Variants in KANK3 observed in about 807,000 individuals in gnomAD.
KANK3 encodes the protein KN motif and ankyrin repeat domains 3.
Under a neutral mutation model 65.4 loss-of-function variants are expected in KANK3, and 61 were observed. The ratio of observed to expected loss-of-function variants is 0.93; its 90% confidence interval spans 0.76 to 1.15. KANK3 has a LOEUF of 1.15. Among genes scored for constraint, KANK3 ranks in the 50% most tolerant of loss-of-function variants. The pLI is 0.00. For synonymous variants in KANK3, 586 were observed against 543.3 expected (o/e 1.08, Z -1.09); for missense variants, 1,187 against 1,178.8 (o/e 1.01, Z -0.10).
intron 1 of KANK3, among the ~76,000 whole-genome samples, chr19:8,342,236 G>A (rs1970730389): frequency 6.6e-6 from 1 of 152,144 alleles, no homozygotes; most frequent in African/African-American, 2.4e-5. Context: ...CAAGAGATCA[G>A]CCCTACTTGA....
rs1481116141 is a variant in KANK3, at chr19:8,335,179, C to G, written c.648G>C (p.Ala216=). The change falls in exon 3 of 11, where the codon GCG becomes GCC. Residue 216 remains alanine, a synonymous_variant. Coordinates refer to ENST00000330915, the MANE Select transcript of KANK3 (RefSeq NM_198471.3). The part of the protein sequence containing the change: ...TLPELQEQVR[A]LRAEKARLLA... ...GCAGCCGCGCCTTCTCGGCGCGCAG[C>G]GCGCGCACCTGCTCCTGCAGCTCGG... The G allele has an allele frequency of 3.3e-5, 40 of 1,214,114 alleles. No homozygotes were observed. The South Asian group carries it at 4.9e-4, about 15-fold the overall frequency. The allele number at this position is 1,214,114 out of a possible 1,614,324, so 75.2% of individuals were successfully genotyped here.
At position 8,333,921 on chromosome 19, in the gene KANK3, C is replaced by T. The variant is rs1470148159; in HGVS notation, c.1623G>A (p.Val541=). 3.8e-6 allele frequency: 6 copies of T among 1,579,570 alleles called. No individual in the cohort carries two copies. The highest frequency in any genetic ancestry group is 2.7e-5 in the African/African-American group (2 of 74,018). Residue 541 remains valine (V), a synonymous_variant, in exon 5 of 11, where the codon GTG becomes GTA. Transcript: ENST00000330915. This position sits in a 1 kb window ranked among gnomAD's most constrained non-coding sequence, Gnocchi z 5.0. ...CGAGCGCCGCTCACCTCCCCTGTGC[C>T]ACCTGCTGAGGCTCTGCCTCCGCCT... ...EPEAEAEPQQ[V]AQGRCELSPR... is the part of the protein sequence containing the mutation.
intron 4 of KANK3, 58 bp downstream of exon 4, chr19:8,334,262 G>A: frequency 6.2e-7 from 1 of 1,604,796 alleles, no homozygotes; most frequent in South Asian, 1.1e-5. Flanking sequence ...CAGAGCTGGG[G>A]TTCCAACCCC....
In KANK3 at chr19:8,335,521, T is replaced by G; in HGVS notation, c.306A>C (p.Ala102=). 1 of 1,227,188 alleles carries G rather than the reference T, an allele frequency of 8.1e-7. No individual in the cohort carries two copies. The highest frequency in any genetic ancestry group is 1.0e-6 in the Non-Finnish European group (1 of 977,568). 76.0% of individuals were successfully genotyped at this position (1,227,188 alleles called of 1,614,324 possible). A position where few individuals can be genotyped will look rare whatever the true frequency, so the allele number is the denominator to read the frequency against. Residue 102 remains alanine, a synonymous_variant, in exon 3 of 11, where the codon GCA becomes GCC. Transcript: ENST00000330915. ...GCGCGCCCTGGGAGAGTATGCCCGG[T>G]GCTCCACCGTCGTCACTGGCCAGGG... ...SESLASDDGG[A]PGILSQGAPS...
intron 2 of KANK3, among the ~76,000 whole-genome samples, chr19:8,337,123 C>T (rs1365958793): frequency 2.0e-5 from 3 of 151,944 alleles, no homozygotes; most frequent in Non-Finnish European, 4.4e-5. Context: ...GCCTCTGCCT[C>T]CCAGGTTCCA....
intron 7 of KANK3, among the ~76,000 whole-genome samples, chr19:8,327,289 G>A (rs1970445541): frequency 6.6e-6 from 1 of 151,368 alleles, no homozygotes; most frequent in African/African-American, 2.4e-5. Context: ...ATCACTTGAG[G>A]CCAGGAGTCT....
intron 7 of KANK3, among the ~76,000 whole-genome samples, chr19:8,330,195 GAA>G (rs1419473438): frequency 6.6e-6 from 1 of 152,178 alleles, no homozygotes; most frequent in Non-Finnish European, 1.5e-5. Flanking sequence ...GATGAAAGAG[GAA>G]ACAGCCCCTG....
Position 8,333,077 on chromosome 19 carries a change from TGTTCCC to T in KANK3, c.1867_1872del (p.Gly623_Asn624del). On this transcript the variant is annotated inframe_deletion, in exon 7 of 11. Coordinates refer to ENST00000330915, the MANE Select transcript of KANK3 (RefSeq NM_198471.3). This position sits in a 1 kb window ranked among gnomAD's most constrained non-coding sequence, Gnocchi z 5.0. The stretch of plus-strand genomic sequence containing the variant: ...TGGGACACACTGTAGTGCAGGGCCG[TGTTCCC>T]GTTGCCATCCGCCAGGTTCACCACG... The T allele has an allele frequency of 6.5e-7, 1 of 1,531,382 alleles. No homozygotes were observed. Among genetic ancestry groups the T allele is most frequent in the Non-Finnish European group, 8.9e-7 (1 of 1,128,256 alleles). The allele number at this position is 1,531,382 out of a possible 1,614,324, so 94.9% of individuals were successfully genotyped here. A position where few individuals can be genotyped will look rare whatever the true frequency, so the allele number is the denominator to read the frequency against.
chr19:8,339,362 T>G (rs930307560), intron 1 of KANK3, among the ~76,000 whole-genome samples: 8 of 21,936 alleles, frequency 3.6e-4, no homozygotes, highest in African/African-American at 1.6e-3. Context: ...TCTCTTTTTG[T>G]TTTTTTTTTT....
Position 8,333,016 on chromosome 19 carries a change from G to C in KANK3, c.1934C>G (p.Thr645Arg), listed in dbSNP as rs767447116. The change falls in exon 7 of 11, where the codon ACG becomes AGG. Residue 645 changes from threonine (T) to arginine (R), a missense_variant and splice_region_variant. Thr to Arg is a moderately conservative substitution (Grantham distance 71, BLOSUM62 -1). This residue lies in a region of KANK3 where 1,078 missense variants were observed against 1,038.2 expected (regional missense o/e 1.04). Transcript: ENST00000330915. The surrounding 1 kb of genome is among the most constrained non-coding windows in gnomAD (Gnocchi z 5.0). ...NLAIASLLLDTGACEVNRQNR... is the reference protein window; with the variant it reads ...NLAIASLLLDRGACEVNRQNR... ...ACCCACCCTCCCTTGGCTCTGACCC[G>C]TATCCAGGAGCAGGCTTGCGATGGC... 3.2e-6 allele frequency: 2 copies of C among 624,926 alleles called. No individual in the cohort carries two copies. Among genetic ancestry groups the C allele is most frequent in the East Asian group, 6.9e-5 (1 of 14,454 alleles). 38.7% of individuals were successfully genotyped at this position (624,926 alleles called of 1,614,324 possible). A position where few individuals can be genotyped will look rare whatever the true frequency, so the allele number is the denominator to read the frequency against.
chr19:8,325,006 A>G lies in KANK3; in HGVS notation c.2027T>C (p.Met676Thr), dbSNP rs752612015. 387 of 1,608,102 alleles carry G rather than the reference A, an allele frequency of 2.4e-4. No homozygotes were observed. Among genetic ancestry groups the G allele is most frequent in the Admixed American group, 3.0e-4 (18 of 59,456 alleles). ...GCAGAAGAGTCTCTGGACCACAGCC[A>G]TGTCCTCCTCTTCCTGCCTCACAGA... Reference protein sequence around the residue: ...LTSVRQEEEDMAVVQRLFCMG... With the variant: ...LTSVRQEEEDTAVVQRLFCMG... Residue 676 changes from methionine (M) to threonine (T), a missense_variant, in exon 8 of 11, where the codon ATG becomes ACG. By Grantham distance (81) the Met-to-Thr change is moderately conservative. Around this residue, in one of 3 missense-constraint regions of KANK3, gnomAD observed 1,078 missense variants for 1,038.2 expected, o/e 1.04. Transcript: ENST00000330915.
Position 8,334,877 on chromosome 19 carries a change from T to C in KANK3, c.950A>G (p.Gln317Arg). ...AVPETREAGA[Q>R]AVPETREAGV... Reference sequence around the variant, plus strand: ...GGCCTCCCGGGTCTCCGGCACGGCCTGGGCACCCGCTTCTCGGGTCTCGGG... The same window carrying C: ...GGCCTCCCGGGTCTCCGGCACGGCCCGGGCACCCGCTTCTCGGGTCTCGGG... Residue 317 changes from glutamine to arginine, a missense_variant, in exon 3 of 11, where the codon CAG (glutamine) becomes CGG (arginine). Coordinates refer to ENST00000330915, the MANE Select transcript of KANK3 (RefSeq NM_198471.3). 1 of 1,459,198 alleles carries C rather than the reference T, an allele frequency of 6.9e-7. No individual in the cohort carries two copies. Among genetic ancestry groups the C allele is most frequent in the Admixed American group, 2.6e-5 (1 of 37,818 alleles). The allele number at this position is 1,459,198 out of a possible 1,614,324, so 90.4% of individuals were successfully genotyped here.
rs59020478 is a variant in KANK3, at chr19:8,339,963, C to CA, written c.-28-2108dup. ...TGGTTGACAGAGCAAGACCTTGTCTCAAAAAAAAAAAAAAAAAAAAAGAAA... is the reference window on the plus strand; with the variant it reads ...TGGTTGACAGAGCAAGACCTTGTCTCAAAAAAAAAAAAAAAAAAAAAAGAAA... On this transcript the variant is annotated intron_variant, in intron 1 of 10. Transcript: ENST00000330915. 9.7e-3 allele frequency among the ~76,000 whole-genome samples: 925 copies of CA among 95,524 alleles called. 8 individuals carry two copies. Among genetic ancestry groups the CA allele is most frequent in the East Asian group, 0.024 (76 of 3,186 alleles). 62.7% of individuals were successfully genotyped at this position (95,524 alleles called of 152,430 possible).
intron 7 of KANK3, among the ~76,000 whole-genome samples, chr19:8,332,416 G>A (rs1970541961): frequency 6.6e-6 from 1 of 151,666 alleles, no homozygotes; most frequent in African/African-American, 2.4e-5. Flanking sequence ...GACCTCAAGT[G>A]ATCTGCCCAC....
chr19:8,335,100 T>C lies in KANK3; in HGVS notation c.727A>G (p.Lys243Glu), dbSNP rs944203632. ...PDGEAETRPDKLAQLRRLTER... is the reference protein window; with the variant it reads ...PDGEAETRPDELAQLRRLTER... ...GTGAGCCGCCGCAGCTGGGCGAGCT[T>C]GTCCGGGCGCGTCTCAGCCTCCCCG... Residue 243 changes from lysine (K) to glutamate (E), a missense_variant, in exon 3 of 11, where the codon AAG becomes GAG. Lys to Glu is a moderately conservative substitution (Grantham distance 56). Around this residue, in one of 3 missense-constraint regions of KANK3, gnomAD observed 1,078 missense variants for 1,038.2 expected, o/e 1.04. Transcript: ENST00000330915. The C allele has an allele frequency of 3.1e-6, 4 of 1,291,886 alleles. No homozygotes were observed. In the African/African-American group the frequency reaches 4.7e-5, roughly 15 times the overall value. The allele number at this position is 1,291,886 out of a possible 1,614,324, so 80.0% of individuals were successfully genotyped here. A position where few individuals can be genotyped will look rare whatever the true frequency, so the allele number is the denominator to read the frequency against.
In KANK3 at chr19:8,334,251, G is replaced by A. The variant is rs562114233; in HGVS notation, c.1427+69C>T. 16 of 1,592,016 alleles carry A rather than the reference G, an allele frequency of 1.0e-5. No individual in the cohort carries two copies. The African/African-American group carries it at 2.0e-4, about 20-fold the overall frequency. On this transcript the variant is annotated intron_variant, in intron 4 of 10. Coordinates refer to ENST00000330915, the MANE Select transcript of KANK3 (RefSeq NM_198471.3). ...CCCAGACCACGCTGCCAGTAGAGGG[G>A]CAGAGCTGGGGTTCCAACCCCAGTC...
At chr19:8,329,349 T>C (rs556766351) in intron 7 of KANK3, among the ~76,000 whole-genome samples, 1 of 151,008 alleles carries the variant, frequency 6.6e-6, no homozygotes, top group East Asian at 1.9e-4. Context: ...TAGCCGGGCA[T>C]GATGGCGCTT....
chr19:8,334,462 C>G, intron 3 of KANK3, 38 bp downstream of exon 3: 1 of 1,610,644 alleles, frequency 6.2e-7, no homozygotes, highest in Non-Finnish European at 8.5e-7. Flanking sequence ...AGTCCGGCGC[C>G]GAGTAAGCCA....
In KANK3 at chr19:8,333,307, G is replaced by T; in HGVS notation, c.1720-77C>A. ...GTGGTGGGGGAGCTGGGGAGGGGCG[G>T]GACTGGGAAGAGACCCATTTGGCGT... On this transcript the variant is annotated intron_variant, in intron 6 of 10. Coordinates refer to ENST00000330915, the MANE Select transcript of KANK3 (RefSeq NM_198471.3). This position sits in a 1 kb window ranked among gnomAD's most constrained non-coding sequence, Gnocchi z 5.0. The T allele has an allele frequency of 1.7e-6, 2 of 1,209,940 alleles. No homozygotes were observed. The highest frequency in any genetic ancestry group is 2.4e-5 in the East Asian group (1 of 41,696). The allele number at this position is 1,209,940 out of a possible 1,614,324, so 75.0% of individuals were successfully genotyped here.
Sources: allele counts gnomAD v4.1 joint callset (sites outside exome capture counted in the v4.1 genomes callset), GRCh38; gene constraint gnomAD v4.1.1; regional missense constraint gnomAD v4.1.1; non-coding constraint Gnocchi (gnomAD v3.1); transcripts MANE v1.5; gene names NCBI Gene and HGNC (gene_info 2026-07-23, HGNC 2026-07-21).